Variants in FHIT observed in about 807,000 individuals in gnomAD.
FHIT encodes bis(5'-adenosyl)-triphosphatase.
Under a neutral mutation model 17.9 loss-of-function variants are expected in FHIT, and 19 were observed. That is an observed-to-expected ratio of 1.06 (90% confidence interval 0.74 to 1.56). The LOEUF (loss-of-function observed/expected upper bound fraction) is 1.56. Ranked by LOEUF, FHIT falls within the 40% of genes most tolerant of loss-of-function variation. The probability of loss-of-function intolerance (pLI) is 0.00; values close to 1 mark genes in which losing one functional copy is unlikely to be tolerated. For synonymous variants in FHIT, 81 were observed against 69.7 expected (o/e 1.16, Z -0.81); for missense variants, 248 against 189.2 (o/e 1.31, Z -1.82).
intron 5 of FHIT, among the ~76,000 whole-genome samples, chr3:60,057,340 G>C (rs1281133147): frequency 6.6e-6 from 1 of 152,170 alleles, no homozygotes; most frequent in Non-Finnish European, 1.5e-5. Flanking sequence ...TGCCTGGTCT[G>C]TTGCTTCAGA....
intron 5 of FHIT, among the ~76,000 whole-genome samples, chr3:60,484,983 G>C (rs1396575044): frequency 6.6e-6 from 1 of 152,100 alleles, no homozygotes; most frequent in East Asian, 1.9e-4. Context: ...CCATCAAAAA[G>C]TGGGCAAAGG....
intron 8 of FHIT, among the ~76,000 whole-genome samples, chr3:59,909,020 TTTTA>T (rs1704733403): frequency 6.6e-6 from 1 of 151,812 alleles, no homozygotes; most frequent in East Asian, 1.9e-4. Context: ...GCTAGTTTAT[TTTTA>T]TTTATTTATA....
chr3:60,729,075 CA>C (rs2041975293), intron 4 of FHIT, among the ~76,000 whole-genome samples: 1 of 152,100 alleles, frequency 6.6e-6, no homozygotes. Context: ...GAAACAAAAA[CA>C]AAAACCCTAG....
chr3:60,589,394 C>T (rs2038009482), intron 4 of FHIT, among the ~76,000 whole-genome samples: 1 of 152,080 alleles, frequency 6.6e-6, no homozygotes, highest in African/African-American at 2.4e-5. Flanking sequence ...ATTATACACA[C>T]AGTTCTCTCC....
intron 5 of FHIT, among the ~76,000 whole-genome samples, chr3:60,446,857 AAATAATAATAATAATAATAATAATAAT>A (rs144268974): frequency 7.2e-6 from 1 of 139,038 alleles, no homozygotes; most frequent in Non-Finnish European, 1.5e-5. Flanking sequence ...TATCTCATTA[AAATAATAATAATAATAATAATAATAAT>A]AATAATAATA....
intron 5 of FHIT, among the ~76,000 whole-genome samples, chr3:60,114,036 AATATATATATATATATATATATAT>A (rs1157736530): frequency 5.1e-3 from 52 of 10,222 alleles, no homozygotes; most frequent in African/African-American, 0.01. Flanking sequence ...AAAAAAAAAA[AATATATATATATATATATATATAT>A]ATATATATAT....
At chr3:59,981,441 A>G (rs1261765326) in intron 7 of FHIT, among the ~76,000 whole-genome samples, 1 of 152,120 alleles carries the variant, frequency 6.6e-6, no homozygotes, top group Admixed American at 6.6e-5. Context: ...TCCAAATTCT[A>G]TTGCTGCCCT....
chr3:61,160,392 T>C (rs941999172), intron 2 of FHIT, among the ~76,000 whole-genome samples: 8 of 152,212 alleles, frequency 5.3e-5, no homozygotes, highest in African/African-American at 1.2e-4. Flanking sequence ...TTTGTAAAGA[T>C]AGGACGTTGG....
intron 3 of FHIT, among the ~76,000 whole-genome samples, chr3:60,977,002 C>T (rs910823799): frequency 1.3e-5 from 2 of 151,942 alleles, no homozygotes; most frequent in African/African-American, 2.4e-5. Context: ...GGAAAGAAAT[C>T]GGACTTGTTT....
At chr3:60,260,978 C>A (rs1203423995) in intron 5 of FHIT, among the ~76,000 whole-genome samples, 1 of 151,960 alleles carries the variant, frequency 6.6e-6, no homozygotes, top group African/African-American at 2.4e-5. Flanking sequence ...AGAGGAGGAA[C>A]CCAACCCTCA....
chr3:60,085,277 CA>C (rs1703448228), intron 5 of FHIT, among the ~76,000 whole-genome samples: 1 of 152,118 alleles, frequency 6.6e-6, no homozygotes, highest in Non-Finnish European at 1.5e-5. Context: ...TTACCAAGAG[CA>C]GATCATTCTG....
chr3:59,806,146 A>C (rs1281590551), intron 8 of FHIT, among the ~76,000 whole-genome samples: 2 of 150,314 alleles, frequency 1.3e-5, no homozygotes, highest in Non-Finnish European at 2.9e-5. Flanking sequence ...ACACCGCTGC[A>C]CTCCAGCCTG....
At chr3:61,074,108 A>G (rs1461236148) in intron 2 of FHIT, among the ~76,000 whole-genome samples, 1 of 151,844 alleles carries the variant, frequency 6.6e-6, no homozygotes, top group African/African-American at 2.4e-5. Context: ...TTTTTAAAGC[A>G]TAAGCAGCAC....
In FHIT at chr3:60,912,673, A is replaced by G. The variant is rs191697483; in HGVS notation, c.-110-90662T>C. The G allele has an allele frequency of 1.3e-3, 612 of 478,484 alleles. 3 individuals are homozygous for G. Among genetic ancestry groups the G allele is most frequent in the Non-Finnish European group, 2.2e-3 (540 of 245,406 alleles). 29.6% of individuals were successfully genotyped at this position (478,484 alleles called of 1,614,324 possible). A position where few individuals can be genotyped will look rare whatever the true frequency, so the allele number is the denominator to read the frequency against. ...TCAGAGATAACTCTAGATATTCACT[A>G]GCCAGAAGAGACACCAGAGGAATCT... is the stretch of plus-strand genomic sequence containing the variant. On this transcript the variant is annotated intron_variant, in intron 3 of 9. Coordinates refer to ENST00000492590, the MANE Select transcript of FHIT (RefSeq NM_002012.4).
intron 4 of FHIT, among the ~76,000 whole-genome samples, chr3:60,571,564 G>C (rs2594233): frequency 0.22 from 33,901 of 151,854 alleles, 4,102 homozygotes; most frequent in Non-Finnish European, 0.27. Flanking sequence ...TGTGTCCCCA[G>C]ACAGGTCACC....
intron 4 of FHIT, among the ~76,000 whole-genome samples, chr3:60,742,884 A>G (rs1363561427): frequency 6.6e-6 from 1 of 152,212 alleles, no homozygotes; most frequent in African/African-American, 2.4e-5. Flanking sequence ...AGAGATGGAG[A>G]TGGAAAAGTA....
At chr3:60,108,632 T>C (rs561231345) in intron 5 of FHIT, among the ~76,000 whole-genome samples, 1 of 151,876 alleles carries the variant, frequency 6.6e-6, no homozygotes, top group South Asian at 2.1e-4. Context: ...TGCTTAGCAT[T>C]TCTTGGCCTT....
intron 3 of FHIT, among the ~76,000 whole-genome samples, chr3:60,978,018 A>G (rs1353422982): frequency 6.6e-6 from 1 of 152,124 alleles, no homozygotes; most frequent in Non-Finnish European, 1.5e-5. Flanking sequence ...TTCTCACTTC[A>G]TTGTCATACA....
chr3:60,367,931 T>C (rs536861023), intron 5 of FHIT, among the ~76,000 whole-genome samples: 1 of 152,300 alleles, frequency 6.6e-6, no homozygotes, highest in Admixed American at 6.5e-5. Flanking sequence ...TGAACTTCTT[T>C]CAACTATTTA....
Sources: allele counts gnomAD v4.1 joint callset (sites outside exome capture counted in the v4.1 genomes callset), GRCh38; gene constraint gnomAD v4.1.1; transcripts MANE v1.5; gene names NCBI Gene and HGNC (gene_info 2026-07-23, HGNC 2026-07-21).